Variants in SLC17A5 observed in about 807,000 individuals in gnomAD.
The protein encoded by SLC17A5 is sialin.
In SLC17A5, 47 loss-of-function variants were observed where a neutral mutation model predicts 59.4. The ratio of observed to expected loss-of-function variants is 0.79; its 90% confidence interval spans 0.63 to 1.01. SLC17A5 has a LOEUF of 1.01. SLC17A5 is among the 50% of genes least tolerant of loss of function. The pLI, the probability that SLC17A5 is intolerant of heterozygous loss-of-function variation, is 0.00. For synonymous variants in SLC17A5, 202 were observed against 210.7 expected, an observed-to-expected ratio of 0.96 and a Z score of 0.36; for missense variants, 522 against 595.5, an observed-to-expected ratio of 0.88 and a Z score of 1.28.
intron 8 of SLC17A5, among the ~76,000 whole-genome samples, chr6:73,613,974 A>G (rs1767741494): frequency 6.6e-6 from 1 of 151,734 alleles, no homozygotes; most frequent in Non-Finnish European, 1.5e-5. Context: ...AAATTAAACA[A>G]AATGGCTGGG....
In SLC17A5 at chr6:73,646,832, C is replaced by T. The variant is rs531384043; in HGVS notation, c.95-2229G>A. Reference sequence around the variant, plus strand: ...GGACTAAAGGCATATGGCAGCATATCTGACTAATTTTTAAATTTTTACTTG... The same window carrying T: ...GGACTAAAGGCATATGGCAGCATATTTGACTAATTTTTAAATTTTTACTTG... On this transcript the variant is annotated intron_variant, in intron 1 of 10. Transcript: ENST00000355773. Among the ~76,000 whole-genome samples the T allele has an allele frequency of 1.3e-3, 195 of 152,210 alleles. 1 individual carries two copies. Among genetic ancestry groups the T allele is most frequent in the African/African-American group, 4.6e-3 (192 of 41,534 alleles).
intron 6 of SLC17A5, among the ~76,000 whole-genome samples, chr6:73,626,311 C>G (rs12210690): frequency 1.3e-5 from 2 of 152,090 alleles, no homozygotes; most frequent in Non-Finnish European, 1.5e-5. Context: ...GCTTATCAAA[C>G]GAATACAAGG....
intron 6 of SLC17A5, among the ~76,000 whole-genome samples, chr6:73,627,543 C>A (rs1768487144): frequency 6.6e-6 from 1 of 151,998 alleles, no homozygotes. Flanking sequence ...TAACACACTA[C>A]TATCTTGCCA....
In SLC17A5 at chr6:73,597,792, GA is replaced by G. The variant is rs1168659968; in HGVS notation, c.1350+2558del. 6.6e-5 allele frequency among the ~76,000 whole-genome samples: 10 copies of G among 151,712 alleles called. 1 individual carries two copies. The East Asian group carries it at 1.9e-3, about 29-fold the overall frequency. ...TGGAGACCCTGTCTCAAAAAACAAAGAAACAAACAAACAAACAAAAAACCCA... is the reference window on the plus strand; with the variant it reads ...TGGAGACCCTGTCTCAAAAAACAAAGAACAAACAAACAAACAAAAAACCCA... On this transcript the variant is annotated intron_variant, in intron 10 of 10. Transcript: ENST00000355773.
intron 10 of SLC17A5, among the ~76,000 whole-genome samples, chr6:73,597,866 C>G (rs1287600184): frequency 6.6e-6 from 1 of 151,920 alleles, no homozygotes; most frequent in Non-Finnish European, 1.5e-5. Context: ...AGAGAAGGCA[C>G]TGGGAAGCCA....
chr6:73,616,546 T>TACACACACAC (rs56306141), intron 7 of SLC17A5, among the ~76,000 whole-genome samples: 14 of 126,338 alleles, frequency 1.1e-4, no homozygotes, highest in Admixed American at 3.9e-4. Flanking sequence ...GTTTATTTAC[T>TACACACACAC]ACACACACAC....
chr6:73,610,038 G>T (rs966313344), intron 9 of SLC17A5, among the ~76,000 whole-genome samples: 5 of 144,988 alleles, frequency 3.4e-5, no homozygotes, highest in African/African-American at 1.3e-4. Flanking sequence ...ATTTTATCAG[G>T]TTTTTTTTTT....
Position 73,637,953 on chromosome 6 carries a change from C to A in SLC17A5, c.613+459G>T, listed in dbSNP as rs548142017. Among the ~76,000 whole-genome samples, 502 of 152,088 alleles carry A rather than the reference C, an allele frequency of 3.3e-3. 5 individuals are homozygous for A. The highest frequency in any genetic ancestry group is 0.021 in the South Asian group (103 of 4,804). ...ATAAAGATGCAATAGAAAAAAGATGCATGAAGAGAGGGGTTGAGAATCATG... is the reference window on the plus strand; with the variant it reads ...ATAAAGATGCAATAGAAAAAAGATGAATGAAGAGAGGGGTTGAGAATCATG... On this transcript the variant is annotated intron_variant, in intron 4 of 10. Transcript: ENST00000355773.
intron 8 of SLC17A5, among the ~76,000 whole-genome samples, chr6:73,612,490 T>C (rs1767676635): frequency 6.6e-6 from 1 of 152,192 alleles, no homozygotes; most frequent in South Asian, 2.1e-4. Context: ...TACTGAAGTA[T>C]AGTCACTGAG....
rs573111485 is a variant in SLC17A5 at position 73,631,829 on chromosome 6, C to T, written c.819+3553G>A. On this transcript the variant is annotated intron_variant, in intron 6 of 10. Transcript: ENST00000355773. ...ACAGGAACCATGTTTTATTTTTTTC[C>T]TCTTATTCATTTTTAAGTCCTCAGC... Among the ~76,000 whole-genome samples, 21 of 151,530 alleles carry T rather than the reference C, an allele frequency of 1.4e-4. 1 individual carries two copies. The highest frequency in any genetic ancestry group is 4.6e-4 in the African/African-American group (19 of 41,050).
chr6:73,641,062 G>C (rs1338573515), intron 3 of SLC17A5, among the ~76,000 whole-genome samples: 1 of 152,086 alleles, frequency 6.6e-6, no homozygotes, highest in Admixed American at 6.6e-5. Context: ...GAGCACAAGA[G>C]GTAAGGATGG....
At chr6:73,634,417 C>T (rs921980793) in intron 6 of SLC17A5, among the ~76,000 whole-genome samples, 1 of 152,014 alleles carries the variant, frequency 6.6e-6, no homozygotes, top group Non-Finnish European at 1.5e-5. Flanking sequence ...TTTTTCTTTT[C>T]GAGATGGAGT....
chr6:73,626,965 T>C (rs1233248108), intron 6 of SLC17A5, among the ~76,000 whole-genome samples: 1 of 151,972 alleles, frequency 6.6e-6, no homozygotes, highest in African/African-American at 2.4e-5. Context: ...GAGATGGGGG[T>C]TTCACTAAGT....
chr6:73,615,243 T>C, intron 8 of SLC17A5, 72 bp downstream of exon 8: 1 of 1,547,138 alleles, frequency 6.5e-7, no homozygotes, highest in African/African-American at 1.4e-5. Flanking sequence ...CACACTTTGT[T>C]TTCCTATCTC....
chr6:73,636,697 A>C lies in SLC17A5; in HGVS notation c.624T>G (p.Leu208=). The change falls in exon 5 of 11, where the codon CTT becomes CTG. Residue 208 remains leucine (L), a synonymous_variant. Transcript: ENST00000355773. ...LLSISYAGAQ[L]GTVISLPLSG... ...AAAGAGGAAGAGAAATTACTGTCCCAAGCTGTGCTCCTAGAACAACACATA... is the reference window on the plus strand; with the variant it reads ...AAAGAGGAAGAGAAATTACTGTCCCCAGCTGTGCTCCTAGAACAACACATA... 1.2e-6 allele frequency: 2 copies of C among 1,609,418 alleles called. No homozygotes were observed. Among genetic ancestry groups the C allele is most frequent in the Middle Eastern group, 1.7e-4 (1 of 6,052 alleles).
intron 9 of SLC17A5, among the ~76,000 whole-genome samples, chr6:73,607,588 C>T (rs1052282828): frequency 1.3e-5 from 2 of 151,940 alleles, no homozygotes; most frequent in African/African-American, 4.8e-5. Context: ...AATTTTTATC[C>T]GATGATCCAA....
At chr6:73,618,719 G>T (rs573011297) in intron 7 of SLC17A5, 1 of 222,590 alleles carries the variant, frequency 4.5e-6, no homozygotes, top group Non-Finnish European at 9.1e-6. Context: ...GCCATCGTAG[G>T]GTTATTTATT....
chr6:73,645,585 G>T, intron 1 of SLC17A5: 2 of 599,056 alleles, frequency 3.3e-6, no homozygotes, highest in Non-Finnish European at 4.2e-6. Context: ...TCAGGAGATC[G>T]AGACCATCCT....
At position 73,621,336 on chromosome 6, in the gene SLC17A5, A is replaced by G. The variant is rs1242747976; in HGVS notation, c.978+468T>C. Among the ~76,000 whole-genome samples the G allele has an allele frequency of 2.6e-5, 4 of 152,052 alleles. No individual in the cohort carries two copies. In the East Asian group the frequency reaches 7.7e-4, roughly 29 times the overall value. On this transcript the variant is annotated intron_variant, in intron 7 of 10. Transcript: ENST00000355773. ...GTATTTTTAACAGAGACAGGGTTTC[A>G]CCATGTTGCCCGGTCTGGTCTCAAA...
Sources: gnomAD v4.1 joint callset for allele counts (sites outside exome capture counted in the v4.1 genomes callset) on GRCh38, gnomAD v4.1.1 for gene constraint, MANE v1.5 for transcripts, NCBI Gene and HGNC (gene_info 2026-07-23, HGNC 2026-07-21) for gene names.